LARP1: variants seen among roughly 807,000 people sequenced by gnomAD.
The protein encoded by LARP1 is La ribonucleoprotein 1, translational regulator.
Under a neutral mutation model 122.7 loss-of-function variants are expected in LARP1, and 36 were observed. That is an observed-to-expected ratio of 0.29 (90% CI 0.22 to 0.39). The LOEUF is 0.39. LARP1 is among the 10% of genes least tolerant of loss of function. LARP1 has a pLI of 1.00. For missense variants in LARP1, 1,040 were observed against 1,403.6 expected (o/e 0.74, Z 4.14); for synonymous variants, 539 against 528.7 (o/e 1.02, Z -0.27).
At chr5:154,779,498 A>G (rs956968077) in intron 1 of LARP1, among the ~76,000 whole-genome samples, 20 of 142,178 alleles carry the variant, frequency 1.4e-4, no homozygotes, top group African/African-American at 5.0e-4. Flanking sequence ...CCCCCTCTAC[A>G]TTCTCTCTTT....
chr5:154,777,395 C>T (rs755766172), intron 1 of LARP1, among the ~76,000 whole-genome samples: 2 of 151,624 alleles, frequency 1.3e-5, no homozygotes, highest in Admixed American at 6.6e-5. Context: ...GTGACGGACA[C>T]CTGTAATCCC....
chr5:154,689,054 C>T (rs995709351), intron 1 of LARP1, among the ~76,000 whole-genome samples: 1 of 152,244 alleles, frequency 6.6e-6, no homozygotes, highest in East Asian at 1.9e-4. Flanking sequence ...CGCAGTGGCT[C>T]ACATCTGTAA....
upstream of LARP1, among the ~76,000 whole-genome samples, chr5:154,751,933 C>A (rs1400012256): frequency 6.6e-6 from 1 of 151,890 alleles, no homozygotes; most frequent in Non-Finnish European, 1.5e-5. Flanking sequence ...GGTTAGGAAT[C>A]AAAAAAACCT....
intron 1 of LARP1, among the ~76,000 whole-genome samples, chr5:154,739,527 C>T (rs1368313525): frequency 1.3e-5 from 2 of 152,074 alleles, no homozygotes. Context: ...TTTTCTTGTC[C>T]ATCACTCATT....
intron 1 of LARP1, among the ~76,000 whole-genome samples, chr5:154,722,309 A>G (rs894022487): frequency 2.0e-5 from 3 of 151,940 alleles, no homozygotes; most frequent in African/African-American, 4.8e-5. Flanking sequence ...TGCCTTTTTC[A>G]TTACCTAGAC....
chr5:154,736,087 G>GT (rs1156876402), intron 1 of LARP1, among the ~76,000 whole-genome samples: 1 of 150,322 alleles, frequency 6.7e-6, no homozygotes, highest in Admixed American at 6.6e-5. Flanking sequence ...ACCCAGCTAA[G>GT]TTTTTTAATT....
chr5:154,712,839 C>G, upstream of LARP1: 1 of 1,241,032 alleles, frequency 8.1e-7, no homozygotes, highest in Non-Finnish European at 1.2e-6. Context: ...TGGAGAGCTC[C>G]CGGGCCAGAG....
intron 1 of LARP1, among the ~76,000 whole-genome samples, chr5:154,768,576 T>A (rs932679679): frequency 1.8e-4 from 27 of 152,118 alleles, no homozygotes; most frequent in African/African-American, 3.4e-4. Context: ...ATTTATTTAT[T>A]TTTATTTATT....
Position 154,803,275 on chromosome 5 carries a change from T to C in LARP1, c.2110-15T>C. The C allele has an allele frequency of 6.2e-7, 1 of 1,614,168 alleles. No individual in the cohort carries two copies. The highest frequency in any genetic ancestry group is 8.5e-7 in the Non-Finnish European group (1 of 1,180,024). The stretch of plus-strand genomic sequence containing the variant: ...TTACTTACATCTTTCCCCACTCATC[T>C]CATGACCTCTGCAGCAAGAAGTCGA... On this transcript the variant is annotated splice_polypyrimidine_tract_variant and intron_variant, in intron 11 of 18. Transcript: ENST00000518297. This position sits in a 1 kb window ranked among gnomAD's most constrained non-coding sequence, Gnocchi z 4.4.
chr5:154,802,144 G>A lies in LARP1; in HGVS notation c.1854G>A (p.Gly618=), dbSNP rs1422516056. The A allele has an allele frequency of 1.2e-6, 2 of 1,614,078 alleles. No homozygotes were observed. The highest frequency in any genetic ancestry group is 1.7e-6 in the Non-Finnish European group (2 of 1,180,040). ...ACGAGGAGATGGAGCAGATGGATGG[G>A]CGGAAGAACACCTTCACTGCCTGGT... The part of the protein sequence containing the change: ...LFDEEMEQMD[G]RKNTFTAWSD... The change falls in exon 11 of 19, where the codon GGG becomes GGA. Residue 618 remains glycine, a synonymous_variant. Transcript: ENST00000518297. The surrounding 1 kb of genome is among the most constrained non-coding windows in gnomAD (Gnocchi z 5.1).
intron 1 of LARP1, among the ~76,000 whole-genome samples, chr5:154,764,764 G>T (rs1176283104): frequency 6.6e-6 from 1 of 151,684 alleles, no homozygotes; most frequent in South Asian, 2.1e-4. Context: ...AAGTAGCTGG[G>T]CGTCATCGTG....
At chr5:154,734,377 T>C (rs1756761177) in intron 1 of LARP1, among the ~76,000 whole-genome samples, 1 of 152,090 alleles carries the variant, frequency 6.6e-6, no homozygotes, top group South Asian at 2.1e-4. Flanking sequence ...GAGGCTGAAA[T>C]AGGATGAATT....
chr5:154,710,972 C>G (rs373801840), upstream of LARP1, among the ~76,000 whole-genome samples: 4 of 151,882 alleles, frequency 2.6e-5, no homozygotes, highest in East Asian at 1.9e-4. Flanking sequence ...AACAGGCAGC[C>G]CTTTTTAAAA....
At chr5:154,756,342 G>A (rs1044640618) in intron 1 of LARP1, 149 bp downstream of exon 1, 30 of 938,020 alleles carry the variant, frequency 3.2e-5, no homozygotes, top group Non-Finnish European at 3.8e-5. Context: ...GATCCTGGTC[G>A]CCGCGCCCTC....
chr5:154,742,525 CTGT>C lies in LARP1; in HGVS notation c.205+29401_205+29403del, dbSNP rs1283416838. On this transcript the variant is annotated intron_variant, in intron 1 of 18. Transcript: ENST00000336314. ...AGTGAGCCATGATCATGCCACTGCA[CTGT>C]TGTTGGAACAGAGGAAGACCCTGTC... 3.3e-5 allele frequency among the ~76,000 whole-genome samples: 5 copies of C among 152,176 alleles called. No individual in the cohort carries two copies. The East Asian group carries it at 9.7e-4, about 30-fold the overall frequency.
intron 1 of LARP1, among the ~76,000 whole-genome samples, chr5:154,685,478 T>C (rs1189942477): frequency 6.6e-6 from 1 of 152,172 alleles, no homozygotes; most frequent in Non-Finnish European, 1.5e-5. Flanking sequence ...AGCTCCTATG[T>C]TACTTCCTTG....
rs1245505732 is a variant in LARP1 at position 154,755,498 on chromosome 5, G to A, written c.-260G>A. The A allele has an allele frequency of 1.1e-5, 11 of 959,676 alleles. No homozygotes were observed. Among genetic ancestry groups the A allele is most frequent in the East Asian group, 1.2e-4 (1 of 8,646 alleles). 59.4% of individuals were successfully genotyped at this position (959,676 alleles called of 1,614,324 possible). ...GGGGGCGTCTTGCGAGGAACGGGCG[G>A]GGGGGGACGCACGCCTAGGAGGCCT... On this transcript the variant is annotated 5_prime_UTR_variant, in exon 1 of 19. Transcript: ENST00000518297.
chr5:154,809,950 G>A (rs1392286962), intron 16 of LARP1, among the ~76,000 whole-genome samples: 5 of 151,750 alleles, frequency 3.3e-5, no homozygotes, highest in Admixed American at 6.6e-5. Flanking sequence ...CTTGTGATCC[G>A]CCTGTCTCAG....
chr5:154,788,921 A>G (rs1405047770), intron 1 of LARP1, among the ~76,000 whole-genome samples: 4 of 152,160 alleles, frequency 2.6e-5, no homozygotes, highest in Non-Finnish European at 5.9e-5. Context: ...AGGATTTTTA[A>G]AAAACTTTAG....
Sources: gnomAD v4.1 joint callset for allele counts (sites outside exome capture counted in the v4.1 genomes callset) on GRCh38, gnomAD v4.1.1 for gene constraint, Gnocchi (gnomAD v3.1) non-coding constraint, MANE v1.5 for transcripts, NCBI Gene and HGNC (gene_info 2026-07-23, HGNC 2026-07-21) for gene names.